Variants in PCDH9 observed in about 807,000 individuals in gnomAD.
PCDH9 encodes the protein protocadherin 9, also known as protocadherin-9.
PCDH9 carries 24 observed loss-of-function variants against 70.6 expected under a neutral mutation model. The ratio of observed to expected loss-of-function variants is 0.34; its 90% CI spans 0.25 to 0.48. PCDH9 has a LOEUF of 0.48. Ranked by LOEUF, PCDH9 falls within the 20% of genes least tolerant of loss-of-function variation. The pLI, the probability that PCDH9 is intolerant of heterozygous loss-of-function variation, is 0.99. For missense variants in PCDH9, 1,281 were observed against 1,503.6 expected (o/e 0.85, Z 2.45); for synonymous variants, 562 against 558.5 (o/e 1.01, Z -0.09).
At chr13:67,221,732 AT>A (rs1049022207) in intron 2 of PCDH9, 5 of 152,200 alleles carry the variant, frequency 3.3e-5, no homozygotes, top group African/African-American at 1.2e-4. Flanking sequence ...CAAGAAATTA[AT>A]TCCCTAAATG....
At chr13:66,845,108 C>T (rs1486154576) in intron 3 of PCDH9, among the ~76,000 whole-genome samples, 4 of 152,116 alleles carry the variant, frequency 2.6e-5, no homozygotes, top group African/African-American at 7.2e-5. Flanking sequence ...AGGCCCCCAG[C>T]CTTCAAGCCG....
At chr13:66,647,956 G>C (rs761316422) in intron 3 of PCDH9, among the ~76,000 whole-genome samples, 3 of 152,120 alleles carry the variant, frequency 2.0e-5, no homozygotes, top group African/African-American at 7.2e-5. Context: ...CGGCCAGGGG[G>C]AGAAATTCTA....
At chr13:66,819,778 C>T (rs2080677314) in intron 3 of PCDH9, among the ~76,000 whole-genome samples, 1 of 152,092 alleles carries the variant, frequency 6.6e-6, no homozygotes, top group Non-Finnish European at 1.5e-5. Context: ...TGCCTCTGGT[C>T]CCAGCTACTC....
intron 4 of PCDH9, among the ~76,000 whole-genome samples, chr13:66,348,076 C>A (rs1326038561): frequency 6.6e-6 from 1 of 152,170 alleles, no homozygotes; most frequent in Non-Finnish European, 1.5e-5. Context: ...TTTATCTCTT[C>A]TTCACATTCA....
intron 4 of PCDH9, among the ~76,000 whole-genome samples, chr13:66,439,593 T>C (rs1957937049): frequency 6.6e-6 from 1 of 152,230 alleles, no homozygotes; most frequent in Admixed American, 6.5e-5. Flanking sequence ...ATTATGCTGC[T>C]TGTTGCATGG....
At position 67,057,421 on chromosome 13, in the gene PCDH9, T is replaced by G. The variant is rs1357217553; in HGVS notation, c.3037-153816A>C. Among the ~76,000 whole-genome samples the G allele has an allele frequency of 3.3e-5, 5 of 152,198 alleles. 1 individual carries two copies. Among genetic ancestry groups the G allele is most frequent in the South Asian group, 4.2e-4 (2 of 4,816 alleles). ...CATGGTTACTTAGTGAGTGGAAGGA[T>G]AACGCGCCTCGGATTTCCTAGAATT... On this transcript the variant is annotated intron_variant, in intron 2 of 4. Transcript: ENST00000377865.
At chr13:66,321,556 A>G (rs1419063385) in intron 4 of PCDH9, among the ~76,000 whole-genome samples, 9 of 151,846 alleles carry the variant, frequency 5.9e-5, no homozygotes, top group Non-Finnish European at 8.8e-5. Context: ...CTGGCTGCCT[A>G]TCTCGGAGCC....
At position 67,043,700 on chromosome 13, in the gene PCDH9, G is replaced by C. The variant is rs543170091; in HGVS notation, c.3037-140095C>G. 4.6e-5 allele frequency among the ~76,000 whole-genome samples: 7 copies of C among 152,232 alleles called. No homozygotes were observed. The South Asian group carries it at 1.5e-3, about 32-fold the overall frequency. ...CTCATTTAACAAGAATCCATAGTTA[G>C]AGCAAATTAGGGTTGGATTATCTGG... On this transcript the variant is annotated intron_variant, in intron 2 of 4. Transcript: ENST00000377865.
intron 2 of PCDH9, among the ~76,000 whole-genome samples, chr13:67,023,658 C>T (rs1298814910): frequency 6.6e-6 from 1 of 152,098 alleles, no homozygotes; most frequent in Non-Finnish European, 1.5e-5. Flanking sequence ...AACACGTATT[C>T]CTGGCACTTG....
At chr13:66,354,387 ATT>A (rs11343389) in intron 4 of PCDH9, among the ~76,000 whole-genome samples, 2 of 152,064 alleles carry the variant, frequency 1.3e-5, no homozygotes, top group Admixed American at 1.3e-4. Flanking sequence ...AAGGTGATTT[ATT>A]TTTTTTGTCT....
intron 3 of PCDH9, among the ~76,000 whole-genome samples, chr13:66,785,423 A>T (rs1232849664): frequency 1.3e-5 from 2 of 151,450 alleles, no homozygotes; most frequent in Non-Finnish European, 1.5e-5. Flanking sequence ...CAAAAAGGTC[A>T]CTTAATGATT....
intron 3 of PCDH9, among the ~76,000 whole-genome samples, chr13:66,680,810 T>C (rs1302450552): frequency 6.6e-6 from 1 of 151,932 alleles, no homozygotes; most frequent in Non-Finnish European, 1.5e-5. Flanking sequence ...ATGATTAATA[T>C]AAATGTTATG....
At chr13:66,698,208 G>T (rs1413245789) in intron 3 of PCDH9, among the ~76,000 whole-genome samples, 1 of 152,116 alleles carries the variant, frequency 6.6e-6, no homozygotes, top group Non-Finnish European at 1.5e-5. Context: ...TGGTAGTGAT[G>T]GTTGTAAAAC....
chr13:67,139,407 A>G (rs1307689109), intron 2 of PCDH9, among the ~76,000 whole-genome samples: 1 of 152,188 alleles, frequency 6.6e-6, no homozygotes, highest in Non-Finnish European at 1.5e-5. Flanking sequence ...ATTTGATTCC[A>G]GCACAGAAGT....
At chr13:66,683,217 C>T (rs531222384) in intron 3 of PCDH9, among the ~76,000 whole-genome samples, 225 of 152,134 alleles carry the variant, frequency 1.5e-3, no homozygotes, top group African/African-American at 5.1e-3. Flanking sequence ...CTCCCTTTTT[C>T]CCAGCAGGCA....
chr13:67,042,942 C>T (rs938248195), intron 2 of PCDH9, among the ~76,000 whole-genome samples: 3 of 151,708 alleles, frequency 2.0e-5, no homozygotes, highest in Non-Finnish European at 4.4e-5. Flanking sequence ...AAAAAGTTTG[C>T]CATACAAAAC....
Position 66,463,045 on chromosome 13 carries a change from T to C in PCDH9, c.3341-158017A>G, listed in dbSNP as rs143974781. 3.6e-4 allele frequency among the ~76,000 whole-genome samples: 55 copies of C among 151,946 alleles called. 1 individual carries two copies. The highest frequency in any genetic ancestry group is 1.1e-3 in the African/African-American group (47 of 41,538). Reference sequence around the variant, plus strand: ...TGATGTGTGCCTAACCCAACAAATATAATTCTCTCTCTCTCTTCATATATA... The same window carrying C: ...TGATGTGTGCCTAACCCAACAAATACAATTCTCTCTCTCTCTTCATATATA... On this transcript the variant is annotated intron_variant, in intron 4 of 4. Coordinates refer to ENST00000377865, the MANE Select transcript of PCDH9 (RefSeq NM_203487.3).
At chr13:67,106,904 G>T (rs2086556833) in intron 2 of PCDH9, among the ~76,000 whole-genome samples, 1 of 152,218 alleles carries the variant, frequency 6.6e-6, no homozygotes, top group African/African-American at 2.4e-5. Flanking sequence ...GTGCTAACAT[G>T]CCAGCACACT....
At chr13:67,149,134 G>A (rs541654767) in intron 2 of PCDH9, among the ~76,000 whole-genome samples, 2 of 152,226 alleles carry the variant, frequency 1.3e-5, no homozygotes, top group Admixed American at 6.5e-5. Context: ...GATATTGTAG[G>A]TCTCTTGAAG....
Sources: gnomAD v4.1 joint callset for allele counts (sites outside exome capture counted in the v4.1 genomes callset) on GRCh38, gnomAD v4.1.1 for gene constraint, MANE v1.5 for transcripts, NCBI Gene and HGNC (gene_info 2026-07-23, HGNC 2026-07-21) for gene names.